RIT2: variants seen among roughly 807,000 people sequenced by gnomAD.
RIT2 encodes the protein Ras like without CAAX 2, also known as GTP-binding protein Rit2.
Under a neutral mutation model 23.7 loss-of-function variants are expected in RIT2, and 24 were observed. The ratio of observed to expected loss-of-function variants is 1.01; its 90% CI spans 0.73 to 1.43. The LOEUF (loss-of-function observed/expected upper bound fraction) is 1.43. Ranked by LOEUF, RIT2 falls within the 40% of genes most tolerant of loss-of-function variation. The pLI, the probability that RIT2 is intolerant of heterozygous loss-of-function variation, is 0.00. For synonymous variants in RIT2, 107 were observed against 91.1 expected (o/e 1.17, Z -0.99); for missense variants, 236 against 266.9 (o/e 0.88, Z 0.81).
At chr18:42,771,828 A>G (rs1045980000) in intron 4 of RIT2, among the ~76,000 whole-genome samples, 2 of 152,168 alleles carry the variant, frequency 1.3e-5, no homozygotes, top group African/African-American at 2.4e-5. Flanking sequence ...ATAGTAGTTC[A>G]AAGAGTTACA....
intron 1 of RIT2, among the ~76,000 whole-genome samples, chr18:43,042,955 C>G (rs544442713): frequency 2.6e-5 from 4 of 152,014 alleles, no homozygotes; most frequent in Non-Finnish European, 5.9e-5. Flanking sequence ...GAATAAGAAC[C>G]ATGTACCATT....
At chr18:42,812,856 A>G (rs1221767803) in intron 4 of RIT2, among the ~76,000 whole-genome samples, 4 of 152,314 alleles carry the variant, frequency 2.6e-5, no homozygotes, top group Non-Finnish European at 5.9e-5. Context: ...TAATGTTGTA[A>G]TCATACAGAG....
chr18:42,838,424 AATAATT>A (rs1906675757), intron 4 of RIT2, among the ~76,000 whole-genome samples: 1 of 151,976 alleles, frequency 6.6e-6, no homozygotes, highest in Admixed American at 6.5e-5. Flanking sequence ...ATTTTCTAAT[AATAATT>A]ATAACAATAA....
intron 3 of RIT2, among the ~76,000 whole-genome samples, chr18:42,957,607 A>G (rs1164381394): frequency 6.6e-6 from 1 of 152,090 alleles, no homozygotes; most frequent in Non-Finnish European, 1.5e-5. Flanking sequence ...AACTTGGCGA[A>G]GCTCTGTCTC....
intron 1 of RIT2, among the ~76,000 whole-genome samples, chr18:43,037,217 A>G (rs1404609943): frequency 3.9e-5 from 6 of 152,252 alleles, no homozygotes; most frequent in Non-Finnish European, 8.8e-5. Context: ...ACATGTCCCA[A>G]GTAAGAACAG....
At chr18:42,859,532 C>T (rs980588982) in intron 4 of RIT2, among the ~76,000 whole-genome samples, 1 of 152,028 alleles carries the variant, frequency 6.6e-6, no homozygotes, top group African/African-American at 2.4e-5. Context: ...GTCTTTAAAG[C>T]TGAAGAGTTT....
chr18:42,998,554 T>C (rs1466936684), intron 2 of RIT2, among the ~76,000 whole-genome samples: 1 of 152,124 alleles, frequency 6.6e-6, no homozygotes, highest in African/African-American at 2.4e-5. Flanking sequence ...TTTTGGATTT[T>C]TTTTTAAAAA....
intron 4 of RIT2, 38 bp from the exon 5 acceptor site, chr18:42,743,758 A>T (rs759685300): frequency 6.9e-7 from 1 of 1,451,918 alleles, no homozygotes; most frequent in South Asian, 1.2e-5. Flanking sequence ...AGACAGAAAG[A>T]GAAAGACTCT....
intron 2 of RIT2, among the ~76,000 whole-genome samples, chr18:43,007,088 A>G (rs1911245711): frequency 6.6e-6 from 1 of 151,738 alleles, no homozygotes; most frequent in African/African-American, 2.4e-5. Flanking sequence ...TTTCAAGTAT[A>G]AAGATAATAA....
intron 2 of RIT2, among the ~76,000 whole-genome samples, chr18:43,022,521 A>G (rs1911620615): frequency 6.6e-6 from 1 of 152,104 alleles, no homozygotes; most frequent in Admixed American, 6.6e-5. Context: ...CTGTCATTTG[A>G]CCATAACATA....
At chr18:43,076,266 G>A (rs1037027714) in intron 1 of RIT2, among the ~76,000 whole-genome samples, 2 of 152,194 alleles carry the variant, frequency 1.3e-5, no homozygotes, top group Admixed American at 6.5e-5. Context: ...TGTGTTGACC[G>A]ATTTCTGCAG....
chr18:42,835,584 T>C (rs1340310583), intron 4 of RIT2, among the ~76,000 whole-genome samples: 1 of 152,122 alleles, frequency 6.6e-6, no homozygotes, highest in African/African-American at 2.4e-5. Flanking sequence ...ACAAATGATG[T>C]GCAGAGAAGC....
intron 4 of RIT2, among the ~76,000 whole-genome samples, chr18:42,745,335 A>C (rs1000693037): frequency 6.6e-6 from 1 of 152,190 alleles, no homozygotes; most frequent in African/African-American, 2.4e-5. Flanking sequence ...ATTGTTTGTA[A>C]TCAGGGCAGA....
intron 3 of RIT2, among the ~76,000 whole-genome samples, chr18:42,928,049 A>G (rs1909226662): frequency 6.6e-6 from 1 of 151,990 alleles, no homozygotes; most frequent in Admixed American, 6.6e-5. Context: ...GGTTATTAGC[A>G]ACTCCCAGTA....
intron 3 of RIT2, among the ~76,000 whole-genome samples, chr18:42,963,759 G>T (rs981272442): frequency 3.3e-5 from 5 of 151,818 alleles, no homozygotes; most frequent in Non-Finnish European, 5.9e-5. Context: ...AGCTGAACAT[G>T]GTGGCAGGCA....
intron 4 of RIT2, among the ~76,000 whole-genome samples, chr18:42,758,142 G>A (rs910097193): frequency 3.3e-5 from 5 of 151,326 alleles, no homozygotes; most frequent in African/African-American, 7.3e-5. Context: ...GTTCATTTAC[G>A]CTCTTATATC....
intron 4 of RIT2, among the ~76,000 whole-genome samples, chr18:42,890,777 T>C (rs996344172): frequency 6.6e-6 from 1 of 152,056 alleles, no homozygotes; most frequent in African/African-American, 2.4e-5. Flanking sequence ...AAAAAAATTA[T>C]AAACACTGAA....
At chr18:43,104,205 G>T (rs1382791829) in intron 1 of RIT2, among the ~76,000 whole-genome samples, 3 of 152,108 alleles carry the variant, frequency 2.0e-5, no homozygotes, top group Non-Finnish European at 2.9e-5. Context: ...AATACCAAAA[G>T]TTCTCACTTG....
chr18:43,029,947 C>A (rs1314082531), intron 2 of RIT2, among the ~76,000 whole-genome samples: 1 of 151,914 alleles, frequency 6.6e-6, no homozygotes, highest in Non-Finnish European at 1.5e-5. Context: ...TAGTTGCTCA[C>A]CAGGACTCTA....
Sources: gnomAD v4.1 joint callset for allele counts (sites outside exome capture counted in the v4.1 genomes callset) on GRCh38, gnomAD v4.1.1 for gene constraint, MANE v1.5 for transcripts, NCBI Gene and HGNC (gene_info 2026-07-23, HGNC 2026-07-21) for gene names.